The following SLC46A2 variants were observed in gnomAD, a reference collection of about 807,000 sequenced individuals.
SLC46A2 encodes the protein thymic stromal co-transporter.
SLC46A2 carries 25 observed loss-of-function variants against 33.1 expected under a neutral mutation model. The ratio of observed to expected loss-of-function variants is 0.76; its 90% CI spans 0.55 to 1.06. The LOEUF (loss-of-function observed/expected upper bound fraction) is 1.06. Among genes scored for constraint, SLC46A2 ranks in the 50% least tolerant of loss-of-function variants. The pLI, the probability that SLC46A2 is intolerant of heterozygous loss-of-function variation, is 0.00. For synonymous variants in SLC46A2, 254 were observed against 275.9 expected (o/e 0.92, Z 0.79); for missense variants, 622 against 621.7 (o/e 1.00, Z 0.00).
rs757698421 is a variant in SLC46A2, at chr9:112,886,471, G to A, written c.1359C>T (p.Ile453=). 1 of 1,614,202 alleles carries A rather than the reference G, an allele frequency of 6.2e-7. No homozygotes were observed. The highest frequency in any genetic ancestry group is 8.5e-7 in the Non-Finnish European group (1 of 1,180,032). The part of the protein sequence containing the change: ...ALSSFLSFLA[I]IPISIVAYKQ... ...TGCTCCCATCCTACCTAATTGGAATGATGGCCAGGAAGGAGAGAAAGGAGG... is the reference window on the plus strand; with the variant it reads ...TGCTCCCATCCTACCTAATTGGAATAATGGCCAGGAAGGAGAGAAAGGAGG... The change falls in exon 3 of 4, where the codon ATC becomes ATT. Residue 453 remains isoleucine, a synonymous_variant. Coordinates refer to ENST00000374228, the MANE Select transcript of SLC46A2 (RefSeq NM_033051.4).
chr9:112,887,409 T>G lies in SLC46A2; in HGVS notation c.1134A>C (p.Arg378=). The change falls in exon 2 of 4, where the codon CGA becomes CGC. Residue 378 remains arginine (R), a synonymous_variant. Transcript: ENST00000374228. ...GGATGAGAGCAAACAGCATGACGGC[T>G]CGAGCTGAAAGAGATCACACAAGAA... ...VKETYMFYIA[R]AVMLFALIPV... is the part of the protein sequence containing the mutation. 1 of 1,608,090 alleles carries G rather than the reference T, an allele frequency of 6.2e-7. No individual in the cohort carries two copies. Among genetic ancestry groups the G allele is most frequent in the Non-Finnish European group, 8.5e-7 (1 of 1,177,608 alleles).
rs1245993505 is a variant in SLC46A2 at position 112,886,539 on chromosome 9, G to A, written c.1291C>T (p.Gln431Ter). ...VTSTLYNKIYQLTMDMFVGSC... is the reference protein window; with the variant it reads ...VTSTLYNKIY ...CCCACAAACATGTCCATGGTGAGCT[G>A]GTAGATCTTGTTGTACAAGGTGGAT... Residue 431 changes from glutamine (Q) to a stop codon, truncating the protein, a stop_gained, in exon 3 of 4, where the codon CAG becomes TAG. Transcript: ENST00000374228. LOFTEE classifies it high-confidence loss of function. 5.6e-6 allele frequency: 9 copies of A among 1,614,060 alleles called. No individual in the cohort carries two copies. The highest frequency in any genetic ancestry group is 7.6e-6 in the Non-Finnish European group (9 of 1,180,028).
At chr9:112,883,037 G>T (rs191139102) in intron 3 of SLC46A2, among the ~76,000 whole-genome samples, 2 of 152,330 alleles carry the variant, frequency 1.3e-5, no homozygotes, top group Admixed American at 1.3e-4. Flanking sequence ...ATGTCGCCAA[G>T]AAATCATATG....
intron 3 of SLC46A2, among the ~76,000 whole-genome samples, chr9:112,882,465 G>A (rs375252734): frequency 1.2e-4 from 19 of 152,310 alleles, no homozygotes; most frequent in South Asian, 2.1e-4. Flanking sequence ...TTCAGCAGGT[G>A]AGGACATGAC....
In SLC46A2 at chr9:112,890,195, C is replaced by G; in HGVS notation, c.487G>C (p.Gly163Arg). The change falls in exon 1 of 4, where the codon GGC becomes CGC. Residue 163 changes from glycine (G) to arginine (R), a missense_variant. Physicochemically the swap from Gly to Arg is moderately radical, Grantham distance 125. Coordinates refer to ENST00000374228, the MANE Select transcript of SLC46A2 (RefSeq NM_033051.4). The surrounding 1 kb of genome is among the most constrained non-coding windows in gnomAD (Gnocchi z 6.0). Reference protein sequence around the residue: ...WSGVMALGSLGSSEGRRSVRL... With the variant: ...WSGVMALGSLRSSEGRRSVRL... ...ACAGAGCGGCGGCCCTCGGAGGAGC[C>G]CAGCGATCCCAGCGCCATGACCCCG... The G allele has an allele frequency of 6.2e-7, 1 of 1,612,944 alleles. No individual in the cohort carries two copies. The highest frequency in any genetic ancestry group is 8.5e-7 in the Non-Finnish European group (1 of 1,179,864).
Position 112,890,020 on chromosome 9 carries a change from A to G in SLC46A2, c.662T>C (p.Leu221Pro), listed in dbSNP as rs776688453. The G allele has an allele frequency of 1.2e-6, 2 of 1,614,078 alleles. No homozygotes were observed. Among genetic ancestry groups the G allele is most frequent in the Admixed American group, 1.7e-5 (1 of 60,032 alleles). ...GACCTTTAGCACCAAAAGGCTGTAG[A>G]GCAGGGCAAACGAGGCACAGCTCAC... ...CSVSCASFAL[L>P]YSLLVLKVPE... Residue 221 changes from leucine to proline, a missense_variant, in exon 1 of 4, where the codon CTC becomes CCC. Transcript: ENST00000374228. This position sits in a 1 kb window ranked among gnomAD's most constrained non-coding sequence, Gnocchi z 6.0.
At chr9:112,886,774 G>T (rs1370238030) in intron 2 of SLC46A2, among the ~76,000 whole-genome samples, 158 bp from the exon 3 acceptor site, 1 of 152,126 alleles carries the variant, frequency 6.6e-6, no homozygotes, top group African/African-American at 2.4e-5. Context: ...GCCCAGGCTG[G>T]AGTGTAGTGC....
At position 112,879,253 on chromosome 9, in the gene SLC46A2, T is replaced by C. The variant is rs2131534326; in HGVS notation, c.*509A>G. ...AGGTTTTATTTTAATTTAAAAGACATTGTTCGTGCAAAACTGTTGGTAGTT... is the reference window on the plus strand; with the variant it reads ...AGGTTTTATTTTAATTTAAAAGACACTGTTCGTGCAAAACTGTTGGTAGTT... On this transcript the variant is annotated 3_prime_UTR_variant, in exon 4 of 4. Coordinates refer to ENST00000374228, the MANE Select transcript of SLC46A2 (RefSeq NM_033051.4). 6.5e-6 allele frequency: 1 copy of C among 152,800 alleles called. No homozygotes were observed. Among genetic ancestry groups the C allele is most frequent in the South Asian group, 2.1e-4 (1 of 4,824 alleles). The allele number at this position is 152,800 out of a possible 1,614,324, so 9.5% of individuals were successfully genotyped here.
At chr9:112,886,967 G>T (rs1381672612) in intron 2 of SLC46A2, among the ~76,000 whole-genome samples, 1 of 152,050 alleles carries the variant, frequency 6.6e-6, no homozygotes, top group Non-Finnish European at 1.5e-5. Flanking sequence ...AGCCTCATGC[G>T]ATCCTCTCAC....
chr9:112,890,787 T>G lies in SLC46A2; in HGVS notation c.-106A>C. ...TCAGGTTTCAGTCCCGGAGCGCGAG[T>G]GTGCTCCGTGCGCCGGGAGCGCGAG... On this transcript the variant is annotated 5_prime_UTR_variant, in exon 1 of 4. Coordinates refer to ENST00000374228, the MANE Select transcript of SLC46A2 (RefSeq NM_033051.4). This position sits in a 1 kb window ranked among gnomAD's most constrained non-coding sequence, Gnocchi z 6.0. 1 of 809,754 alleles carries G rather than the reference T, an allele frequency of 1.2e-6. No individual in the cohort carries two copies. The highest frequency in any genetic ancestry group is 2.1e-5 in the South Asian group (1 of 48,580). 50.2% of individuals were successfully genotyped at this position (809,754 alleles called of 1,614,324 possible).
At chr9:112,885,420 GTGTGTATATATATATA>G (rs1351701360) in intron 3 of SLC46A2, 3 of 109,680 alleles carry the variant, frequency 2.7e-5, no homozygotes, top group African/African-American at 7.4e-5. Flanking sequence ...TGTATTCTGT[GTGTGTATATATATATA>G]TGTGTATATA....
In SLC46A2 at chr9:112,890,009, A is replaced by G; in HGVS notation, c.673T>C (p.Leu225=). The change falls in exon 1 of 4, where the codon TTG becomes CTG. Residue 225 remains leucine, a synonymous_variant. Coordinates refer to ENST00000374228, the MANE Select transcript of SLC46A2 (RefSeq NM_033051.4). This position sits in a 1 kb window ranked among gnomAD's most constrained non-coding sequence, Gnocchi z 6.0. Reference sequence around the variant, plus strand: ...ACCGACTCAGGGACCTTTAGCACCAAAAGGCTGTAGAGCAGGGCAAACGAG... The same window carrying G: ...ACCGACTCAGGGACCTTTAGCACCAGAAGGCTGTAGAGCAGGGCAAACGAG... ...CASFALLYSL[L]VLKVPESVAK... 1.2e-6 allele frequency: 2 copies of G among 1,614,144 alleles called. No homozygotes were observed. The highest frequency in any genetic ancestry group is 4.5e-5 in the East Asian group (2 of 44,880).
chr9:112,886,490 A>G lies in SLC46A2; in HGVS notation c.1340T>C (p.Phe447Ser). Residue 447 changes from phenylalanine (F) to serine (S), a missense_variant, in exon 3 of 4, where the codon TTT becomes TCT. Transcript: ENST00000374228. ...TGGAATGATGGCCAGGAAGGAGAGA[A>G]AGGAGGAGAGAGCAAAGCAGGAGCC... is the stretch of plus-strand genomic sequence containing the variant. ...FVGSCFALSS[F>S]LSFLAIIPIS... 1 of 1,614,188 alleles carries G rather than the reference A, an allele frequency of 6.2e-7. No individual in the cohort carries two copies. Among genetic ancestry groups the G allele is most frequent in the Non-Finnish European group, 8.5e-7 (1 of 1,180,014 alleles).
At chr9:112,883,168 G>A (rs563533112) in intron 3 of SLC46A2, among the ~76,000 whole-genome samples, 2 of 152,318 alleles carry the variant, frequency 1.3e-5, no homozygotes, top group African/African-American at 4.8e-5. Context: ...TGAGAAGAAA[G>A]TGAATGGGAG....
intron 1 of SLC46A2, among the ~76,000 whole-genome samples, 153 bp downstream of exon 1, chr9:112,889,400 A>G (rs1841691362): frequency 6.6e-6 from 1 of 152,108 alleles, no homozygotes; most frequent in South Asian, 2.1e-4. Context: ...AGATAAACTC[A>G]GGGGCATATA....
At chr9:112,882,504 G>C (rs62577670) in intron 3 of SLC46A2, among the ~76,000 whole-genome samples, 9,562 of 152,258 alleles carry the variant, frequency 0.063, 384 homozygotes, top group Non-Finnish European at 0.094. Flanking sequence ...ACCTTGCTCT[G>C]GCCACCTGCT....
intron 3 of SLC46A2, among the ~76,000 whole-genome samples, chr9:112,882,844 C>A (rs1841597707): frequency 6.6e-6 from 1 of 151,982 alleles, no homozygotes; most frequent in African/African-American, 2.4e-5. Flanking sequence ...TTTGGAAGTA[C>A]TTTAGGTTGC....
At position 112,890,268 on chromosome 9, in the gene SLC46A2, C is replaced by A. The variant is rs755842519; in HGVS notation, c.414G>T (p.Gly138=). The stretch of plus-strand genomic sequence containing the variant: ...CGAATAGCCCGTTCAGCGCCGCCGC[C>A]CCGTACAGCACCTCCACTGGCCAGT... ...LLDWPVEVLY[G]AAALNGLFGG... The change falls in exon 1 of 4, where the codon GGG becomes GGT. Residue 138 remains glycine, a synonymous_variant. Transcript: ENST00000374228. This position sits in a 1 kb window ranked among gnomAD's most constrained non-coding sequence, Gnocchi z 6.0. 2.5e-6 allele frequency: 4 copies of A among 1,613,462 alleles called. No individual in the cohort carries two copies. The South Asian group carries it at 4.4e-5, about 18-fold the overall frequency.
In SLC46A2 at chr9:112,886,451, C is replaced by T. The variant is rs764435579; in HGVS notation, c.1370+9G>A. On this transcript the variant is annotated intron_variant, in intron 3 of 3. Transcript: ENST00000374228. ...CCAGCCCAAGCAGCAGATGCTGCTC[C>T]CATCCTACCTAATTGGAATGATGGC... The T allele has an allele frequency of 1.9e-6, 3 of 1,614,014 alleles. No individual in the cohort carries two copies. The highest frequency in any genetic ancestry group is 1.7e-5 in the Admixed American group (1 of 60,030).
Sources: allele counts gnomAD v4.1 joint callset (sites outside exome capture counted in the v4.1 genomes callset), GRCh38; gene constraint gnomAD v4.1.1; non-coding constraint Gnocchi (gnomAD v3.1); transcripts MANE v1.5; gene names NCBI Gene and HGNC (gene_info 2026-07-23, HGNC 2026-07-21).